LRRC4C: variants seen among roughly 807,000 people sequenced by gnomAD.
LRRC4C encodes the protein leucine rich repeat containing 4C.
A neutral mutation model predicts 33.6 loss-of-function variants in LRRC4C; 5 were observed. The ratio of observed to expected loss-of-function variants is 0.15; its 90% CI spans 0.08 to 0.31. The LOEUF (loss-of-function observed/expected upper bound fraction) is 0.31. Ranked by LOEUF, LRRC4C falls within the 10% of genes least tolerant of loss-of-function variation. The pLI is 1.00. For missense variants in LRRC4C, 560 were observed against 796.7 expected, an observed-to-expected ratio of 0.70 and a Z score of 3.58; for synonymous variants, 329 against 302.0, an observed-to-expected ratio of 1.09 and a Z score of -0.93.
At chr11:40,543,901 A>C (rs12280324) in intron 3 of LRRC4C, among the ~76,000 whole-genome samples, 2 of 151,904 alleles carry the variant, frequency 1.3e-5, no homozygotes, top group African/African-American at 4.8e-5. Flanking sequence ...ATTCCTGGAA[A>C]CTTTTATTTA....
intron 3 of LRRC4C, among the ~76,000 whole-genome samples, chr11:40,617,922 G>T (rs1555120320): frequency 6.6e-6 from 1 of 151,618 alleles, no homozygotes; most frequent in African/African-American, 2.4e-5. Flanking sequence ...TTTTTGAAAT[G>T]AGGAATCTGA....
intron 5 of LRRC4C, among the ~76,000 whole-genome samples, chr11:40,211,602 T>G (rs536035546): frequency 6.6e-6 from 1 of 152,198 alleles, no homozygotes; most frequent in Non-Finnish European, 1.5e-5. Flanking sequence ...TTTGCTTTAG[T>G]AAAATGGTAG....
At position 40,876,030 on chromosome 11, in the gene LRRC4C, G is replaced by A. The variant is rs192977848; in HGVS notation, c.-407+57605C>T. The stretch of plus-strand genomic sequence containing the variant: ...ACTGTAGAAAATCCTGCTTTATAAA[G>A]ATAGAATGTTGGAAATGGGAGCAGG... On this transcript the variant is annotated intron_variant, in intron 2 of 6. Coordinates refer to ENST00000528697, the MANE Select transcript of LRRC4C (RefSeq NM_001258419.2). Among the ~76,000 whole-genome samples the A allele has an allele frequency of 2.7e-4, 41 of 152,178 alleles. No homozygotes were observed. In the East Asian group the frequency reaches 5.8e-3, roughly 22 times the overall value.
intron 1 of LRRC4C, among the ~76,000 whole-genome samples, chr11:41,181,300 C>T (rs971524347): frequency 2.0e-5 from 3 of 152,028 alleles, no homozygotes; most frequent in Middle Eastern, 3.4e-3. Context: ...TTATAAACAC[C>T]GAATCTGGAG....
rs534895351 is a variant in LRRC4C at position 41,302,557 on chromosome 11, G to T, written c.-496+156874C>A. Among the ~76,000 whole-genome samples, 3 of 151,958 alleles carry T rather than the reference G, an allele frequency of 2.0e-5. No homozygotes were observed. In the East Asian group the frequency reaches 5.8e-4, roughly 29 times the overall value. ...TGATGCACATCAAATGGCACAAATCGGTAACATTTTCCGATAAATTGCCTA... is the reference window on the plus strand; with the variant it reads ...TGATGCACATCAAATGGCACAAATCTGTAACATTTTCCGATAAATTGCCTA... On this transcript the variant is annotated intron_variant, in intron 1 of 6. Transcript: ENST00000528697.
intron 3 of LRRC4C, among the ~76,000 whole-genome samples, chr11:40,421,077 C>A (rs540294025): frequency 6.6e-6 from 1 of 152,276 alleles, no homozygotes; most frequent in South Asian, 2.1e-4. Context: ...CTAAGTCCAG[C>A]ATTTTTTTTC....
At chr11:41,337,020 G>A (rs1951477645) in intron 1 of LRRC4C, among the ~76,000 whole-genome samples, 1 of 151,914 alleles carries the variant, frequency 6.6e-6, no homozygotes, top group African/African-American at 2.4e-5. Flanking sequence ...CCAGAAACAA[G>A]CCTCATAAAA....
intron 3 of LRRC4C, among the ~76,000 whole-genome samples, chr11:40,425,183 C>G (rs956951058): frequency 1.4e-4 from 21 of 151,726 alleles, no homozygotes; most frequent in African/African-American, 4.8e-4. Context: ...TAAATCATAT[C>G]AGGATTTAAG....
intron 2 of LRRC4C, among the ~76,000 whole-genome samples, chr11:40,843,413 A>C (rs1291973336): frequency 6.6e-6 from 1 of 152,092 alleles, no homozygotes; most frequent in Non-Finnish European, 1.5e-5. Flanking sequence ...GACATTCCCT[A>C]CTAGCATCCC....
chr11:41,227,603 G>T (rs1385684425), intron 1 of LRRC4C, among the ~76,000 whole-genome samples: 1 of 151,990 alleles, frequency 6.6e-6, no homozygotes, highest in African/African-American at 2.4e-5. Flanking sequence ...AGACTCAAGG[G>T]ATCCTCCCAT....
chr11:40,180,303 G>A (rs952650858), intron 5 of LRRC4C, among the ~76,000 whole-genome samples: 1 of 152,192 alleles, frequency 6.6e-6, no homozygotes. Context: ...AGGAAAGAAA[G>A]CTTTTTAATT....
At chr11:40,800,420 C>G (rs1257882831) in intron 2 of LRRC4C, among the ~76,000 whole-genome samples, 1 of 152,128 alleles carries the variant, frequency 6.6e-6, no homozygotes. Context: ...TCATCAATAC[C>G]CATATTTTGT....
chr11:40,764,381 G>T (rs1040607699), intron 2 of LRRC4C, among the ~76,000 whole-genome samples: 1 of 152,118 alleles, frequency 6.6e-6, no homozygotes, highest in African/African-American at 2.4e-5. Context: ...TCCTTCTTGA[G>T]TACAGAAGAG....
At chr11:40,444,587 T>G (rs945693786) in intron 3 of LRRC4C, among the ~76,000 whole-genome samples, 6 of 152,228 alleles carry the variant, frequency 3.9e-5, no homozygotes, top group Admixed American at 2.0e-4. Context: ...TACAATCTTT[T>G]ATTTGCCTAA....
chr11:41,291,582 CAGAA>C (rs1254974100), intron 1 of LRRC4C, among the ~76,000 whole-genome samples: 2 of 152,002 alleles, frequency 1.3e-5, no homozygotes, highest in African/African-American at 4.8e-5. Flanking sequence ...AATTGATTTA[CAGAA>C]AGAAAGAGTT....
chr11:40,733,106 C>T (rs1323426202), intron 2 of LRRC4C, among the ~76,000 whole-genome samples: 1 of 111,142 alleles, frequency 9.0e-6, no homozygotes, highest in Admixed American at 1.3e-4. Context: ...GATGGAGTCT[C>T]ACTCTGTCAC....
At chr11:41,073,307 A>C (rs2135435829) in intron 1 of LRRC4C, among the ~76,000 whole-genome samples, 1 of 150,926 alleles carries the variant, frequency 6.6e-6, no homozygotes, top group Non-Finnish European at 1.5e-5. Flanking sequence ...ATGAGAAAGG[A>C]AGCAAGAGGA....
Position 40,686,801 on chromosome 11 carries a change from G to A in LRRC4C, c.-406-38523C>T, listed in dbSNP as rs547266918. 5.3e-5 allele frequency among the ~76,000 whole-genome samples: 8 copies of A among 152,042 alleles called. No individual in the cohort carries two copies. In the East Asian group the frequency reaches 7.7e-4, roughly 15 times the overall value. ...CCATATTATAGGGTACATCTGCTACGAGATTGGTAGAGTACCTAAAGACTA... is the reference window on the plus strand; with the variant it reads ...CCATATTATAGGGTACATCTGCTACAAGATTGGTAGAGTACCTAAAGACTA... On this transcript the variant is annotated intron_variant, in intron 2 of 6. Coordinates refer to ENST00000528697, the MANE Select transcript of LRRC4C (RefSeq NM_001258419.2).
chr11:40,679,197 G>T (rs889794051), intron 2 of LRRC4C, among the ~76,000 whole-genome samples: 2 of 152,124 alleles, frequency 1.3e-5, no homozygotes, highest in African/African-American at 2.4e-5. Flanking sequence ...ATGATTTAGG[G>T]TTTCTGGTGG....
Sources: gnomAD v4.1 joint callset for allele counts (sites outside exome capture counted in the v4.1 genomes callset) on GRCh38, gnomAD v4.1.1 for gene constraint, MANE v1.5 for transcripts, NCBI Gene and HGNC (gene_info 2026-07-23, HGNC 2026-07-21) for gene names.